The following SLC19A1 variants were observed in gnomAD, a reference collection of about 807,000 sequenced individuals.
SLC19A1 encodes the protein reduced folate transporter.
A neutral mutation model predicts 35.3 loss-of-function variants in SLC19A1; 37 were observed. That is an observed-to-expected ratio of 1.05 (90% CI 0.81 to 1.38). SLC19A1 has a LOEUF of 1.38. Among genes scored for constraint, SLC19A1 ranks in the 40% most tolerant of loss-of-function variants. The pLI is 0.00. For synonymous variants in SLC19A1, 460 were observed against 398.5 expected (o/e 1.15, Z -1.84); for missense variants, 831 against 826.9 (o/e 1.00, Z -0.06).
chr21:45,559,239 G>A (rs1230847169), intron 1 of SLC19A1, among the ~76,000 whole-genome samples: 1 of 152,204 alleles, frequency 6.6e-6, no homozygotes, highest in Non-Finnish European at 1.5e-5. Context: ...AAAGCACCAT[G>A]AAGAACTGCC....
chr21:45,558,411 T>C (rs2146514413), intron 1 of SLC19A1, among the ~76,000 whole-genome samples: 1 of 152,318 alleles, frequency 6.6e-6, no homozygotes, highest in African/African-American at 2.4e-5. Flanking sequence ...CCATTGTCAC[T>C]GCAGTGAGAC....
intron 4 of SLC19A1, among the ~76,000 whole-genome samples, chr21:45,528,631 C>T (rs973534817): frequency 1.3e-5 from 2 of 152,156 alleles, no homozygotes; most frequent in African/African-American, 4.8e-5. Context: ...CTGGCCATTC[C>T]CCTTCCAGGA....
intron 3 of SLC19A1, chr21:45,505,786 T>TTCCCCCCCCCC: frequency 1.1e-6 from 1 of 939,198 alleles, no homozygotes. Flanking sequence ...CTTCCGCCCC[T>TTCCCCCCCCCC]GCCCCCCGCC....
At chr21:45,553,253 G>A (rs1213243951) in intron 1 of SLC19A1, among the ~76,000 whole-genome samples, 3 of 151,946 alleles carry the variant, frequency 2.0e-5, no homozygotes, top group African/African-American at 7.3e-5. Context: ...CGGCCTAAGG[G>A]GACGGGAGCC....
At chr21:45,508,442 A>G (rs111436676), downstream of SLC19A1, among the ~76,000 whole-genome samples, 44 of 118,858 alleles carry the variant, frequency 3.7e-4, no homozygotes, top group African/African-American at 1.5e-3. Context: ...ATGGTGGGTA[A>G]GTGGGTGAGT....
In SLC19A1 at chr21:45,514,740, T is replaced by G. The variant is rs1488788009; in HGVS notation, c.*918A>C. 2.2e-6 allele frequency: 1 copy of G among 457,504 alleles called. No homozygotes were observed. Among genetic ancestry groups the G allele is most frequent in the Non-Finnish European group, 3.8e-6 (1 of 261,684 alleles). 28.3% of individuals were successfully genotyped at this position (457,504 alleles called of 1,614,324 possible). On this transcript the variant is annotated 3_prime_UTR_variant, in exon 6 of 6. Transcript: ENST00000311124. ...CTCACTTAAGTGTGTTTAATGTATG[T>G]GGGAAGAGTATTCACATCACATCAG...
chr21:45,525,707 T>C lies in SLC19A1; in HGVS notation c.1293+110A>G, dbSNP rs1324626370. ...CACTGGAAGCCCCAGGCCCGCACCCTGTGCCCCCAGCCCACAGTGGGCTCC... is the reference window on the plus strand; with the variant it reads ...CACTGGAAGCCCCAGGCCCGCACCCCGTGCCCCCAGCCCACAGTGGGCTCC... On this transcript the variant is annotated intron_variant, in intron 5 of 5. Transcript: ENST00000311124. The C allele has an allele frequency of 5.4e-6, 7 of 1,303,360 alleles. No homozygotes were observed. In the Admixed American group the frequency reaches 1.4e-4, roughly 25 times the overall value. The allele number at this position is 1,303,360 out of a possible 1,614,324, so 80.7% of individuals were successfully genotyped here. A position where few individuals can be genotyped will look rare whatever the true frequency, so the allele number is the denominator to read the frequency against.
intron 1 of SLC19A1, among the ~76,000 whole-genome samples, chr21:45,561,635 C>T (rs920792644): frequency 6.6e-6 from 1 of 151,986 alleles, no homozygotes; most frequent in South Asian, 2.1e-4. Flanking sequence ...GTGGCATGCA[C>T]CTGTAGTCCC....
chr21:45,545,089 A>G (rs899096838), upstream of SLC19A1, among the ~76,000 whole-genome samples: 36 of 152,230 alleles, frequency 2.4e-4, no homozygotes, highest in Non-Finnish European at 4.1e-4. Context: ...ATGGACACAC[A>G]TGCACAGAGA....
At chr21:45,521,009 AAACTCC>A in intron 5 of SLC19A1, among the ~76,000 whole-genome samples, 1 of 143,020 alleles carries the variant, frequency 7.0e-6, no homozygotes. Context: ...AACAAGAGCG[AAACTCC>A]ATCTCAAAAA....
intron 5 of SLC19A1, among the ~76,000 whole-genome samples, chr21:45,523,923 C>A (rs1221435565): frequency 1.3e-5 from 2 of 152,210 alleles, no homozygotes; most frequent in African/African-American, 4.8e-5. Flanking sequence ...AGCACCCCGC[C>A]CTGGGGCCAT....
upstream of SLC19A1, among the ~76,000 whole-genome samples, chr21:45,545,762 T>C (rs2078408403): frequency 1.3e-5 from 2 of 152,214 alleles, no homozygotes; most frequent in Non-Finnish European, 2.9e-5. Flanking sequence ...TGCCCCAGCA[T>C]GTGCAGTGAA....
rs190027057 is a variant in SLC19A1, at chr21:45,519,311, G to A, written c.1294-3171C>T. Among the ~76,000 whole-genome samples the A allele has an allele frequency of 2.8e-4, 43 of 152,068 alleles. 2 individuals carry two copies. In the East Asian group the frequency reaches 5.6e-3, roughly 20 times the overall value. ...AGAGAATAAATGAAAAATTAAAAAC[G>A]AAATGGCAGACTTAGGCCCTAATAT... On this transcript the variant is annotated intron_variant, in intron 5 of 5. Transcript: ENST00000311124.
chr21:45,548,976 G>T (rs1033855591), upstream of SLC19A1, among the ~76,000 whole-genome samples: 37 of 152,166 alleles, frequency 2.4e-4, 1 homozygote, highest in Admixed American at 1.9e-3. Context: ...AAACAGTGGG[G>T]CAGCTTCTTG....
At chr21:45,561,907 C>T (rs910697840) in intron 1 of SLC19A1, among the ~76,000 whole-genome samples, 4 of 151,788 alleles carry the variant, frequency 2.6e-5, no homozygotes, top group Non-Finnish European at 5.9e-5. Context: ...CCAAGGCGGG[C>T]AGACCACAAG....
In SLC19A1 at chr21:45,525,960, T is replaced by TGAACGGGAA. The variant is rs1015733788; in HGVS notation, c.1152-11_1152-3dup. The TGAACGGGAA allele has an allele frequency of 6.2e-7, 1 of 1,612,848 alleles. No individual in the cohort carries two copies. Among genetic ancestry groups the TGAACGGGAA allele is most frequent in the Admixed American group, 1.7e-5 (1 of 60,012 alleles). Reference sequence around the variant, plus strand: ...GACAGAGAAGATGCAATCTGAAAGCTGAACGGGAAGAGCGGGCAGATCAGG... The same window carrying TGAACGGGAA: ...GACAGAGAAGATGCAATCTGAAAGCTGAACGGGAAGAACGGGAAGAGCGGGCAGATCAGG... On this transcript the variant is annotated splice_region_variant and splice_polypyrimidine_tract_variant and intron_variant, in intron 4 of 5. Coordinates refer to ENST00000311124, the MANE Select transcript of SLC19A1 (RefSeq NM_194255.4).
chr21:45,521,355 G>A (rs927257240), intron 5 of SLC19A1, among the ~76,000 whole-genome samples: 1 of 152,186 alleles, frequency 6.6e-6, no homozygotes, highest in African/African-American at 2.4e-5. Context: ...ACTACAAAAT[G>A]CTGAAAGAAA....
At chr21:45,519,122 T>C (rs2077362840) in intron 5 of SLC19A1, among the ~76,000 whole-genome samples, 3 of 147,892 alleles carry the variant, frequency 2.0e-5, no homozygotes, top group Admixed American at 6.7e-5. Context: ...AAGGCAACGT[T>C]TTTATACTTC....
At chr21:45,524,836 C>T (rs1423927613) in intron 5 of SLC19A1, among the ~76,000 whole-genome samples, 1 of 150,734 alleles carries the variant, frequency 6.6e-6, no homozygotes, top group Non-Finnish European at 1.5e-5. Context: ...CACACCTGGG[C>T]CTCGGAGGCT....
Sources: gnomAD v4.1 joint callset for allele counts (sites outside exome capture counted in the v4.1 genomes callset) on GRCh38, gnomAD v4.1.1 for gene constraint, MANE v1.5 for transcripts, NCBI Gene and HGNC (gene_info 2026-07-23, HGNC 2026-07-21) for gene names.